Variants in HYAL4 observed in about 807,000 individuals in gnomAD.
HYAL4 encodes hyaluronidase 4.
HYAL4 carries 37 observed loss-of-function variants against 35.2 expected under a neutral mutation model. The ratio of observed to expected loss-of-function variants is 1.05; its 90% confidence interval spans 0.81 to 1.38. The LOEUF (loss-of-function observed/expected upper bound fraction) is 1.38. HYAL4 is among the 40% of genes most tolerant of loss of function. The probability of loss-of-function intolerance (pLI) is 0.00; values close to 1 mark genes in which losing one functional copy is unlikely to be tolerated. For missense variants in HYAL4, 572 were observed against 572.4 expected (o/e 1.00, Z 0.01); for synonymous variants, 198 against 203.2 (o/e 0.97, Z 0.22).
upstream of HYAL4, among the ~76,000 whole-genome samples, chr7:123,828,482 G>T (rs886071757): frequency 6.7e-6 from 1 of 149,404 alleles, no homozygotes; most frequent in African/African-American, 2.5e-5. Flanking sequence ...ACTTGGATGA[G>T]AACTCATCAA....
At chr7:123,764,966 A>T in the HYAL4 span, among the ~76,000 whole-genome samples, 1 of 152,206 alleles carries the variant, frequency 6.6e-6, no homozygotes, top group Non-Finnish European at 1.5e-5. Flanking sequence ...TATTCAACCA[A>T]AGTGTCAGAT....
the HYAL4 span, among the ~76,000 whole-genome samples, chr7:123,766,658 ATTC>A: frequency 2.6e-5 from 4 of 152,176 alleles, no homozygotes; most frequent in Admixed American, 2.6e-4. Context: ...TGCTGAGGAT[ATTC>A]TTCTTAAGTA....
chr7:123,776,618 A>G, the HYAL4 span, among the ~76,000 whole-genome samples: 2 of 152,048 alleles, frequency 1.3e-5, no homozygotes, highest in Admixed American at 6.6e-5. Flanking sequence ...TTGTTTCGCT[A>G]TGTTGCAGTT....
the HYAL4 span, among the ~76,000 whole-genome samples, chr7:123,819,178 G>T: frequency 6.6e-6 from 1 of 152,102 alleles, no homozygotes; most frequent in Non-Finnish European, 1.5e-5. Flanking sequence ...ATCTGAGTGA[G>T]ATCACGCAGT....
chr7:123,863,829 T>C (rs1414579894), intron 2 of HYAL4, among the ~76,000 whole-genome samples: 1 of 152,148 alleles, frequency 6.6e-6, no homozygotes, highest in Non-Finnish European at 1.5e-5. Context: ...CAAGGGTTGC[T>C]CTTTTTTTTC....
the HYAL4 span, among the ~76,000 whole-genome samples, chr7:123,765,268 T>C: frequency 6.6e-6 from 1 of 152,210 alleles, no homozygotes; most frequent in Non-Finnish European, 1.5e-5. Context: ...GCTTTGTCTG[T>C]ATAGAAAAAT....
At chr7:123,850,675 C>T (rs1806286498) in intron 2 of HYAL4, among the ~76,000 whole-genome samples, 1 of 152,138 alleles carries the variant, frequency 6.6e-6, no homozygotes, top group Non-Finnish European at 1.5e-5. Flanking sequence ...TGCATGAATC[C>T]TGTGCTCTGT....
chr7:123,877,111 C>CT lies in HYAL4; in HGVS notation c.1405dup (p.Cys469LeufsTer16). On this transcript the variant is annotated frameshift_variant, in exon 5 of 5. Transcript: ENST00000223026. LOFTEE classifies it low-confidence loss of function (END_TRUNC). The stretch of plus-strand genomic sequence containing the variant: ...CCCTTCTCCTGGTTCACTAATGACA[C>CT]TTTGTCTACTGCTTTTAGCAAGTTA... 3 of 1,614,126 alleles carry CT rather than the reference C, an allele frequency of 1.9e-6. No homozygotes were observed. The highest frequency in any genetic ancestry group is 2.5e-6 in the Non-Finnish European group (3 of 1,180,006).
At chr7:123,819,070 C>T in the HYAL4 span, among the ~76,000 whole-genome samples, 1 of 152,228 alleles carries the variant, frequency 6.6e-6, no homozygotes, top group Admixed American at 6.5e-5. Context: ...TATTCTTTAA[C>T]CAACATCTCC....
intron 2 of HYAL4, among the ~76,000 whole-genome samples, chr7:123,866,410 A>G (rs1806687674): frequency 6.6e-6 from 1 of 152,206 alleles, no homozygotes; most frequent in Non-Finnish European, 1.5e-5. Flanking sequence ...CGACAGTCAT[A>G]GACCAATACC....
At chr7:123,873,089 A>C (rs1806923737) in intron 3 of HYAL4, among the ~76,000 whole-genome samples, 2 of 152,168 alleles carry the variant, frequency 1.3e-5, no homozygotes, top group Admixed American at 1.3e-4. Context: ...GAGCGGAGTG[A>C]GGAGTTCTGC....
chr7:123,872,251 G>A (rs1008711676), intron 3 of HYAL4, among the ~76,000 whole-genome samples: 3 of 152,148 alleles, frequency 2.0e-5, no homozygotes, highest in South Asian at 2.1e-4. Context: ...CAGTAAAAAC[G>A]TGATATTTTA....
chr7:123,848,605 A>G (rs1806226601), intron 2 of HYAL4, among the ~76,000 whole-genome samples: 2 of 152,222 alleles, frequency 1.3e-5, no homozygotes, highest in Admixed American at 6.5e-5. Context: ...CAACTTTAAT[A>G]TTCTTTTGAA....
chr7:123,844,962 C>G (rs1806145274), upstream of HYAL4: 1 of 152,222 alleles, frequency 6.6e-6, no homozygotes, highest in Non-Finnish European at 1.5e-5. Flanking sequence ...GGGAAATCCC[C>G]CAATCTCTTA....
chr7:123,841,710 G>T (rs1806069847), upstream of HYAL4, among the ~76,000 whole-genome samples: 2 of 151,892 alleles, frequency 1.3e-5, no homozygotes, highest in African/African-American at 2.4e-5. Context: ...CTTCTTCCTG[G>T]TTTAGTCTTG....
chr7:123,841,850 A>G (rs1199994918), upstream of HYAL4, among the ~76,000 whole-genome samples: 2 of 151,936 alleles, frequency 1.3e-5, no homozygotes, highest in Non-Finnish European at 2.9e-5. Context: ...CCCGTTTATC[A>G]TTTTTTATTG....
chr7:123,876,716 G>T, intron 4 of HYAL4, 38 bp from the exon 5 acceptor site: 1 of 1,586,956 alleles, frequency 6.3e-7, no homozygotes, highest in African/African-American at 1.3e-5. Context: ...TTCTACCAGG[G>T]AGAACACACT....
chr7:123,877,145 T>C lies in HYAL4; in HGVS notation c.1436T>C (p.Ile479Thr). ...CTGCTTTTAGCAAGTTATCGAAGCA[T>C]TCAGTTGTGAGATAATTGAGTTTAA... Reference protein sequence around the residue: ...CLLLLASYRSIQL With the variant: ...CLLLLASYRSTQL Residue 479 changes from isoleucine (I) to threonine (T), a missense_variant, in exon 5 of 5, where the codon ATT becomes ACT. By Grantham distance (89) the Ile-to-Thr change is moderately conservative. Transcript: ENST00000223026. 1 of 1,613,094 alleles carries C rather than the reference T, an allele frequency of 6.2e-7. No individual in the cohort carries two copies. The highest frequency in any genetic ancestry group is 1.1e-5 in the South Asian group (1 of 91,018).
the HYAL4 span, among the ~76,000 whole-genome samples, chr7:123,787,745 A>G: frequency 1.3e-5 from 2 of 152,298 alleles, no homozygotes; most frequent in South Asian, 2.1e-4. Context: ...TTTGTCCCTA[A>G]GAGTTCAGTG....
Sources: allele counts gnomAD v4.1 joint callset (sites outside exome capture counted in the v4.1 genomes callset), GRCh38; gene constraint gnomAD v4.1.1; transcripts MANE v1.5; gene names NCBI Gene and HGNC (gene_info 2026-07-23, HGNC 2026-07-21).